The following TOM1L2 variants were observed in gnomAD, a reference collection of about 807,000 sequenced individuals.
TOM1L2 encodes TOM1-like protein 2.
In TOM1L2, 31 loss-of-function variants were observed where a neutral mutation model predicts 67.9. That is an observed-to-expected ratio of 0.46 (90% CI 0.34 to 0.62). TOM1L2 has a LOEUF of 0.62. TOM1L2 is among the 20% of genes least tolerant of loss of function. The pLI, the probability that TOM1L2 is intolerant of heterozygous loss-of-function variation, is 0.01. For synonymous variants in TOM1L2, 256 were observed against 254.0 expected (o/e 1.01, Z -0.07); for missense variants, 606 against 663.5 (o/e 0.91, Z 0.95).
At position 17,848,800 on chromosome 17, in the gene TOM1L2, TAAG is replaced by T; in HGVS notation, c.1375+20_1375+22del. On this transcript the variant is annotated intron_variant, in intron 14 of 14. Transcript: ENST00000379504. ...GCACAGAGGCAACAAAAGGGGGCTG[TAAG>T]GCCACTGGCCAGGCCATACCTTCAC... 1.9e-6 allele frequency: 3 copies of T among 1,613,828 alleles called. No individual in the cohort carries two copies. The highest frequency in any genetic ancestry group is 2.5e-6 in the Non-Finnish European group (3 of 1,179,884).
chr17:17,938,706 T>G (rs1289242900), intron 1 of TOM1L2, among the ~76,000 whole-genome samples: 1 of 151,434 alleles, frequency 6.6e-6, no homozygotes, highest in Non-Finnish European at 1.5e-5. Context: ...ACTTATAATA[T>G]CCTACATGCC....
At chr17:17,898,768 T>G (rs2038705890) in intron 2 of TOM1L2, 94 bp from the exon 3 acceptor site, 2 of 1,247,018 alleles carry the variant, frequency 1.6e-6, no homozygotes, top group Non-Finnish European at 1.2e-6. Flanking sequence ...CAAGACTATT[T>G]GCTGGCTGCA....
At chr17:17,859,561 T>C (rs1208670708) in intron 12 of TOM1L2, 3 of 152,270 alleles carry the variant, frequency 2.0e-5, no homozygotes, top group Non-Finnish European at 4.4e-5. Context: ...GGCCATGGCA[T>C]TGCCCCATGG....
At chr17:17,860,908 C>T (rs1279237808) in intron 12 of TOM1L2, among the ~76,000 whole-genome samples, 1 of 152,236 alleles carries the variant, frequency 6.6e-6, no homozygotes, top group East Asian at 1.9e-4. Context: ...CTCCCAGCCA[C>T]CACCCAACTG....
chr17:17,876,194 G>A (rs2037413654), intron 7 of TOM1L2, among the ~76,000 whole-genome samples: 1 of 152,202 alleles, frequency 6.6e-6, no homozygotes, highest in African/African-American at 2.4e-5. Context: ...CTGCAGGTAA[G>A]GGCATGCACT....
In TOM1L2 at chr17:17,866,333, C is replaced by T. The variant is rs764189024; in HGVS notation, c.1047G>A (p.Ala349=). ...AVVSPMVGNT[A]PPSSLSSQLA... is the part of the protein sequence containing the mutation. ...GCTGGGAGGAGAGGGAAGATGGGGG[C>T]GCTGTGTTCCCCACCATTGGGCTCA... Residue 349 remains alanine, a synonymous_variant, in exon 10 of 15, where the codon GCG becomes GCA. Coordinates refer to ENST00000379504, the MANE Select transcript of TOM1L2 (RefSeq NM_001082968.2). 20 of 1,612,312 alleles carry T rather than the reference C, an allele frequency of 1.2e-5. No homozygotes were observed. Among genetic ancestry groups the T allele is most frequent in the African/African-American group, 6.7e-5 (5 of 74,906 alleles).
At chr17:17,954,870 TCA>T (rs1356706908) in intron 1 of TOM1L2, among the ~76,000 whole-genome samples, 1 of 152,176 alleles carries the variant, frequency 6.6e-6, no homozygotes, top group East Asian at 1.9e-4. Flanking sequence ...CAAAAAACTC[TCA>T]CACAGATACT....
intron 1 of TOM1L2, among the ~76,000 whole-genome samples, chr17:17,931,874 T>C (rs189773544): frequency 1.3e-5 from 2 of 152,334 alleles, no homozygotes; most frequent in South Asian, 2.1e-4. Flanking sequence ...ATTCTTATCA[T>C]ACAGGTCTCC....
chr17:17,923,556 G>T (rs2039966119), intron 1 of TOM1L2, among the ~76,000 whole-genome samples: 1 of 152,012 alleles, frequency 6.6e-6, no homozygotes, highest in Non-Finnish European at 1.5e-5. Flanking sequence ...TGGGCGCAGT[G>T]GTGAGCATCT....
chr17:17,935,510 C>T (rs753245889), intron 1 of TOM1L2, among the ~76,000 whole-genome samples: 6 of 152,090 alleles, frequency 3.9e-5, no homozygotes, highest in Non-Finnish European at 7.4e-5. Context: ...TTGAGCTTGC[C>T]GAGCTGTGCT....
rs529202897 is a variant in TOM1L2, at chr17:17,935,993, T to A, written c.53-28462A>T. ...ATCCTCCACCCAGCAGCTAGTGGCTTTTCTGGAATGCAAATCTCATCATGT... is the reference window on the plus strand; with the variant it reads ...ATCCTCCACCCAGCAGCTAGTGGCTATTCTGGAATGCAAATCTCATCATGT... On this transcript the variant is annotated intron_variant, in intron 1 of 14. Coordinates refer to ENST00000379504, the MANE Select transcript of TOM1L2 (RefSeq NM_001082968.2). 2.7e-4 allele frequency among the ~76,000 whole-genome samples: 41 copies of A among 152,306 alleles called. No homozygotes were observed. The South Asian group carries it at 7.9e-3, about 29-fold the overall frequency.
chr17:17,856,279 A>G (rs1469133687), intron 12 of TOM1L2, among the ~76,000 whole-genome samples: 1 of 152,280 alleles, frequency 6.6e-6, no homozygotes, highest in African/African-American at 2.4e-5. Flanking sequence ...CCTGTCCCTG[A>G]AGAAGCAAAT....
intron 1 of TOM1L2, among the ~76,000 whole-genome samples, chr17:17,952,158 G>C (rs1207717706): frequency 9.2e-5 from 14 of 152,134 alleles, no homozygotes; most frequent in Non-Finnish European, 4.4e-5. Flanking sequence ...CAATGAGATA[G>C]ATCTAATTAT....
chr17:17,944,226 G>A (rs983250213), intron 1 of TOM1L2, among the ~76,000 whole-genome samples: 8 of 152,270 alleles, frequency 5.3e-5, no homozygotes, highest in Non-Finnish European at 7.3e-5. Flanking sequence ...AGTGGCTGCC[G>A]TGAGAGGCTG....
intron 1 of TOM1L2, among the ~76,000 whole-genome samples, chr17:17,912,080 C>G (rs78447682): frequency 1.3e-5 from 2 of 152,084 alleles, no homozygotes; most frequent in African/African-American, 2.4e-5. Flanking sequence ...GGCAACCATC[C>G]GATTTCTCAA....
chr17:17,861,623 T>C, intron 11 of TOM1L2, 72 bp from the exon 12 acceptor site: 1 of 1,320,070 alleles, frequency 7.6e-7, no homozygotes. Context: ...GGTAGTGGCC[T>C]GTAATCACTT....
At chr17:17,855,927 G>A (rs1337516282) in intron 12 of TOM1L2, among the ~76,000 whole-genome samples, 1 of 151,526 alleles carries the variant, frequency 6.6e-6, no homozygotes, top group Non-Finnish European at 1.5e-5. Flanking sequence ...CTACACTATG[G>A]GAAATAAGGC....
At chr17:17,947,482 A>G (rs1357202296) in intron 1 of TOM1L2, among the ~76,000 whole-genome samples, 2 of 152,356 alleles carry the variant, frequency 1.3e-5, no homozygotes, top group South Asian at 2.1e-4. Flanking sequence ...CCCTAATCCA[A>G]TCATGCATGC....
At chr17:17,954,576 G>A (rs1274725920) in intron 1 of TOM1L2, among the ~76,000 whole-genome samples, 2 of 152,188 alleles carry the variant, frequency 1.3e-5, no homozygotes, top group African/African-American at 4.8e-5. Context: ...GCCTCCCAAA[G>A]TGCTGGGATT....
Sources: gnomAD v4.1 joint callset for allele counts (sites outside exome capture counted in the v4.1 genomes callset) on GRCh38, gnomAD v4.1.1 for gene constraint, MANE v1.5 for transcripts, NCBI Gene and HGNC (gene_info 2026-07-23, HGNC 2026-07-21) for gene names.